The following ZPLD1 variants were observed in gnomAD, a reference collection of about 807,000 sequenced individuals.
ZPLD1 encodes zona pellucida like domain containing 1, also known as zona pellucida-like domain-containing protein 1.
Under a neutral mutation model 47.2 loss-of-function variants are expected in ZPLD1, and 34 were observed. The observed-to-expected ratio is 0.72, with a 90% confidence interval of 0.55 to 0.96. The LOEUF is 0.96. Ranked by LOEUF, ZPLD1 falls within the 40% of genes least tolerant of loss-of-function variation. The pLI is 0.00. For synonymous variants in ZPLD1, 176 were observed against 186.2 expected (o/e 0.95, Z 0.45); for missense variants, 512 against 505.8 (o/e 1.01, Z -0.12).
chr3:102,431,431 G>A (rs1191537833), upstream of ZPLD1, among the ~76,000 whole-genome samples: 1 of 152,058 alleles, frequency 6.6e-6, no homozygotes, highest in African/African-American at 2.4e-5. Flanking sequence ...ATTAATGAAT[G>A]TATATGTACA....
intron 8 of ZPLD1, among the ~76,000 whole-genome samples, chr3:102,428,913 C>T (rs1286827371): frequency 1.3e-5 from 2 of 151,948 alleles, no homozygotes; most frequent in Non-Finnish European, 2.9e-5. Context: ...AAAACCAACA[C>T]GCATAGATTC....
chr3:102,443,052 C>G (rs958690371), intron 3 of ZPLD1, among the ~76,000 whole-genome samples: 1 of 152,134 alleles, frequency 6.6e-6, no homozygotes, highest in Admixed American at 6.6e-5. Flanking sequence ...TGTATATTTT[C>G]CGAAGCCAGG....
At chr3:102,459,622 G>A (rs1233990973) in intron 6 of ZPLD1, among the ~76,000 whole-genome samples, 1 of 151,980 alleles carries the variant, frequency 6.6e-6, no homozygotes, top group African/African-American at 2.4e-5. Context: ...TTAATTATAC[G>A]ATAACCAATT....
intron 5 of ZPLD1, among the ~76,000 whole-genome samples, chr3:102,457,169 C>T (rs191107815): frequency 1.9e-4 from 29 of 152,254 alleles, no homozygotes; most frequent in African/African-American, 6.7e-4. Context: ...CATTCTACTT[C>T]ATTGAAAAAA....
At chr3:102,419,807 G>C (rs1488778714) in intron 8 of ZPLD1, among the ~76,000 whole-genome samples, 2 of 151,444 alleles carry the variant, frequency 1.3e-5, no homozygotes, top group Admixed American at 1.3e-4. Context: ...TTCATGAGTA[G>C]AGAATGATAA....
chr3:102,442,204 A>G (rs996671338), intron 3 of ZPLD1, among the ~76,000 whole-genome samples: 1 of 152,022 alleles, frequency 6.6e-6, no homozygotes, highest in Non-Finnish European at 1.5e-5. Context: ...TTTCAATTAT[A>G]TTTGTGTTTT....
chr3:102,456,099 G>A, intron 4 of ZPLD1, 94 bp from the exon 5 acceptor site: 1 of 1,029,174 alleles, frequency 9.7e-7, no homozygotes, highest in Non-Finnish European at 1.4e-6. Context: ...CTAGACTCTA[G>A]AATAGATTTT....
chr3:102,386,287 C>CT (rs1224691188), intron 6 of ZPLD1, among the ~76,000 whole-genome samples: 2,832 of 125,950 alleles, frequency 0.022, 60 homozygotes, highest in African/African-American at 0.054. Context: ...TAAGTGGGGT[C>CT]TTTTTTTTTT....
intron 7 of ZPLD1, among the ~76,000 whole-genome samples, chr3:102,407,442 T>TACAC (rs746526325): frequency 0.011 from 1,053 of 95,262 alleles, 28 homozygotes; most frequent in African/African-American, 0.02. Flanking sequence ...TATATATATA[T>TACAC]ACACACATAT....
intron 7 of ZPLD1, among the ~76,000 whole-genome samples, chr3:102,463,720 T>A (rs778133468): frequency 6.6e-6 from 1 of 152,002 alleles, no homozygotes; most frequent in Non-Finnish European, 1.5e-5. Flanking sequence ...AAATAACAAG[T>A]AATAAACAAT....
chr3:102,428,760 T>C (rs1337688444), intron 8 of ZPLD1, among the ~76,000 whole-genome samples: 1 of 151,112 alleles, frequency 6.6e-6, no homozygotes, highest in Non-Finnish European at 1.5e-5. Context: ...TATATATATA[T>C]ATATGTATAT....
chr3:102,467,992 A>C (rs1449381453), intron 8 of ZPLD1, among the ~76,000 whole-genome samples: 7 of 152,156 alleles, frequency 4.6e-5, no homozygotes, highest in Non-Finnish European at 1.0e-4. Context: ...AATGGCCAAG[A>C]ACACAACAGA....
chr3:102,471,735 GC>G (rs1707689419), intron 10 of ZPLD1, among the ~76,000 whole-genome samples: 1 of 152,114 alleles, frequency 6.6e-6, no homozygotes, highest in Non-Finnish European at 1.5e-5. Context: ...GCGACTAGAG[GC>G]TTTATTTCAT....
At chr3:102,390,928 G>T (rs527271797) in intron 6 of ZPLD1, among the ~76,000 whole-genome samples, 7 of 151,732 alleles carry the variant, frequency 4.6e-5, no homozygotes, top group African/African-American at 1.7e-4. Context: ...GATATTCTAG[G>T]CTCCCAAGAA....
intron 1 of ZPLD1, 32 bp downstream of exon 1, chr3:102,435,186 AT>A (rs1300962201): frequency 5.0e-6 from 8 of 1,612,210 alleles, no homozygotes; most frequent in Non-Finnish European, 6.8e-6. Context: ...TTGCAAGATA[AT>A]AGTTCATCAG....
At chr3:102,420,492 C>T (rs1035866445) in intron 8 of ZPLD1, among the ~76,000 whole-genome samples, 1 of 151,790 alleles carries the variant, frequency 6.6e-6, no homozygotes, top group African/African-American at 2.4e-5. Context: ...TCAAAAGCAG[C>T]CAAAGAAAAT....
chr3:102,402,412 CT>C (rs1437569998), intron 7 of ZPLD1, among the ~76,000 whole-genome samples: 3 of 151,968 alleles, frequency 2.0e-5, no homozygotes, highest in African/African-American at 4.8e-5. Flanking sequence ...ATCAACTAAA[CT>C]TTTTTATAAA....
chr3:102,442,314 C>T (rs1707191041), intron 3 of ZPLD1, among the ~76,000 whole-genome samples: 1 of 99,378 alleles, frequency 1.0e-5, no homozygotes, highest in Admixed American at 1.2e-4. Context: ...ACACATACAC[C>T]CATAAACACA....
chr3:102,440,267 T>G (rs1361102650), intron 3 of ZPLD1, among the ~76,000 whole-genome samples: 1 of 152,146 alleles, frequency 6.6e-6, no homozygotes, highest in Admixed American at 6.6e-5. Context: ...TAAGATAGAA[T>G]CAAGTTAGAA....
Sources: gnomAD v4.1 joint callset for allele counts (sites outside exome capture counted in the v4.1 genomes callset) on GRCh38, gnomAD v4.1.1 for gene constraint, MANE v1.5 for transcripts, NCBI Gene and HGNC (gene_info 2026-07-23, HGNC 2026-07-21) for gene names.